The following ATP8B4 variants were observed in gnomAD, a reference collection of about 807,000 sequenced individuals.
The protein encoded by ATP8B4 is probable phospholipid-transporting ATPase IM.
A neutral mutation model predicts 145.6 loss-of-function variants in ATP8B4; 133 were observed. The ratio of observed to expected loss-of-function variants is 0.91; its 90% CI spans 0.79 to 1.05. ATP8B4 has a LOEUF of 1.05. Ranked by LOEUF, ATP8B4 falls within the 50% of genes least tolerant of loss-of-function variation. ATP8B4 has a pLI of 0.00. For synonymous variants in ATP8B4, 507 were observed against 492.9 expected (o/e 1.03, Z -0.38); for missense variants, 1,458 against 1,425.2 (o/e 1.02, Z -0.37).
At chr15:49,896,387 A>G (rs1042713894) in intron 23 of ATP8B4, 3 of 152,232 alleles carry the variant, frequency 2.0e-5, no homozygotes, top group African/African-American at 7.2e-5. Flanking sequence ...CCCTTAGCAC[A>G]TGTAAGAAGA....
intron 6 of ATP8B4, among the ~76,000 whole-genome samples, chr15:50,012,563 T>C (rs145115240): frequency 5.3e-4 from 80 of 152,270 alleles, no homozygotes; most frequent in African/African-American, 1.8e-3. Flanking sequence ...GGACACACTT[T>C]TCAGGTTTGT....
intron 6 of ATP8B4, among the ~76,000 whole-genome samples, chr15:50,020,432 G>A (rs190085478): frequency 7.3e-4 from 111 of 151,468 alleles, no homozygotes; most frequent in African/African-American, 2.6e-3. Flanking sequence ...ACCATGCCTG[G>A]CTAATTTTTT....
chr15:50,073,156 T>C (rs1208018264), intron 3 of ATP8B4, among the ~76,000 whole-genome samples: 2 of 151,232 alleles, frequency 1.3e-5, no homozygotes, highest in African/African-American at 4.9e-5. Context: ...TACATAGGTA[T>C]ACACGTGCCA....
At chr15:50,035,938 A>G (rs751052964) in intron 6 of ATP8B4, among the ~76,000 whole-genome samples, 4 of 152,084 alleles carry the variant, frequency 2.6e-5, no homozygotes, top group Non-Finnish European at 5.9e-5. Flanking sequence ...GCAGTGCCCA[A>G]CCCAATGTGA....
intron 1 of ATP8B4, among the ~76,000 whole-genome samples, chr15:50,131,514 C>T (rs1289826416): frequency 2.6e-5 from 4 of 152,028 alleles, no homozygotes; most frequent in Admixed American, 1.3e-4. Flanking sequence ...TCCTTTTATT[C>T]GCTAGAGGAG....
intron 1 of ATP8B4, among the ~76,000 whole-genome samples, chr15:50,160,828 A>C (rs1258670145): frequency 6.6e-6 from 1 of 152,044 alleles, no homozygotes; most frequent in Non-Finnish European, 1.5e-5. Context: ...TGTGCTAAGG[A>C]GAAGGACTGT....
intron 2 of ATP8B4, among the ~76,000 whole-genome samples, chr15:50,080,588 C>T (rs906324670): frequency 6.6e-6 from 1 of 151,820 alleles, no homozygotes; most frequent in African/African-American, 2.4e-5. Context: ...ATAATACTAT[C>T]TTGCTAGAAT....
Position 49,879,464 on chromosome 15 carries a change from A to T in ATP8B4, c.2698-5T>A. On this transcript the variant is annotated splice_region_variant and splice_polypyrimidine_tract_variant and intron_variant, in intron 23 of 27. Transcript: ENST00000284509. ...GAACCACTGGTCATAAACAGTCTGA[A>T]AAGAAATATAACATATAAGTGAGAA... is the stretch of plus-strand genomic sequence containing the variant. 4 of 1,589,306 alleles carry T rather than the reference A, an allele frequency of 2.5e-6. No individual in the cohort carries two copies. Among genetic ancestry groups the T allele is most frequent in the Non-Finnish European group, 3.4e-6 (4 of 1,160,852 alleles).
intron 14 of ATP8B4, among the ~76,000 whole-genome samples, chr15:49,960,027 T>A (rs556410324): frequency 1.5e-5 from 2 of 132,772 alleles, no homozygotes; most frequent in African/African-American, 5.2e-5. Context: ...GTCAATAATT[T>A]TTTTGGTTTT....
At chr15:49,966,296 C>G (rs931240774) in intron 13 of ATP8B4, among the ~76,000 whole-genome samples, 1 of 152,182 alleles carries the variant, frequency 6.6e-6, no homozygotes, top group Non-Finnish European at 1.5e-5. Context: ...GGAAAGGGGA[C>G]TGAAGTCAGG....
rs147020451 is a variant in ATP8B4, at chr15:49,942,488, T to C, written c.1288-8306A>G. Among the ~76,000 whole-genome samples the C allele has an allele frequency of 8.0e-3, 1,219 of 152,010 alleles. 6 individuals are homozygous for C. Among genetic ancestry groups the C allele is most frequent in the Non-Finnish European group, 0.013 (878 of 67,972 alleles). The stretch of plus-strand genomic sequence containing the variant: ...TCAAAAAAGAAGAAAAAAATAGGGC[T>C]ACTGCAGAAACTAAAGTGAAATTGG... On this transcript the variant is annotated intron_variant, in intron 14 of 27. Coordinates refer to ENST00000284509, the MANE Select transcript of ATP8B4 (RefSeq NM_024837.4).
intron 1 of ATP8B4, among the ~76,000 whole-genome samples, chr15:50,147,969 A>G (rs1461962935): frequency 6.6e-6 from 1 of 152,238 alleles, no homozygotes; most frequent in Non-Finnish European, 1.5e-5. Flanking sequence ...TGCAATACAT[A>G]TTAATTACAA....
intron 2 of ATP8B4, among the ~76,000 whole-genome samples, chr15:50,104,604 AAT>A (rs2056567446): frequency 6.6e-6 from 1 of 152,156 alleles, no homozygotes; most frequent in African/African-American, 2.4e-5. Flanking sequence ...GTAAAAAGGA[AAT>A]ATGTTTACAC....
At chr15:49,914,136 C>T (rs541971858) in intron 20 of ATP8B4, among the ~76,000 whole-genome samples, 1 of 152,092 alleles carries the variant, frequency 6.6e-6, no homozygotes, top group African/African-American at 2.4e-5. Context: ...GACACATAGG[C>T]CAATGGAACA....
intron 1 of ATP8B4, among the ~76,000 whole-genome samples, chr15:50,116,531 T>C (rs2057164514): frequency 6.6e-6 from 1 of 152,162 alleles, no homozygotes; most frequent in African/African-American, 2.4e-5. Flanking sequence ...GACAGATTTG[T>C]AGACTTGGAA....
At chr15:49,882,789 C>T (rs550465891) in intron 23 of ATP8B4, among the ~76,000 whole-genome samples, 2 of 152,170 alleles carry the variant, frequency 1.3e-5, no homozygotes, top group Admixed American at 1.3e-4. Context: ...AAAGAGGTCT[C>T]GAGGAAAAGC....
intron 25 of ATP8B4, among the ~76,000 whole-genome samples, chr15:49,869,406 T>C (rs534448779): frequency 2.4e-4 from 36 of 151,448 alleles, no homozygotes; most frequent in Non-Finnish European, 4.7e-4. Context: ...AAGAAATAAA[T>C]GGAAATTAAG....
chr15:50,115,055 A>G (rs1275675615), intron 1 of ATP8B4, among the ~76,000 whole-genome samples: 2 of 152,220 alleles, frequency 1.3e-5, no homozygotes, highest in African/African-American at 4.8e-5. Flanking sequence ...TGTAGGCCAG[A>G]CACAGTAGCT....
chr15:50,013,584 T>C (rs575951558), intron 6 of ATP8B4, among the ~76,000 whole-genome samples: 1 of 152,080 alleles, frequency 6.6e-6, no homozygotes, highest in Non-Finnish European at 1.5e-5. Flanking sequence ...TATGGGATAA[T>C]AAGATAGCCT....
Sources: gnomAD v4.1 joint callset for allele counts (sites outside exome capture counted in the v4.1 genomes callset) on GRCh38, gnomAD v4.1.1 for gene constraint, MANE v1.5 for transcripts, NCBI Gene and HGNC (gene_info 2026-07-23, HGNC 2026-07-21) for gene names.